The following FLT1 variants were observed in gnomAD, a reference collection of about 807,000 sequenced individuals.
FLT1 encodes vascular endothelial growth factor receptor 1.
Under a neutral mutation model 156.3 loss-of-function variants are expected in FLT1, and 49 were observed. The observed-to-expected ratio is 0.31, with a 90% CI of 0.25 to 0.40. The LOEUF (loss-of-function observed/expected upper bound fraction) is 0.40. Among genes scored for constraint, FLT1 ranks in the 10% least tolerant of loss-of-function variants. The pLI is 1.00. For synonymous variants in FLT1, 594 were observed against 583.8 expected (o/e 1.02, Z -0.25); for missense variants, 1,322 against 1,637.2 (o/e 0.81, Z 3.32).
At chr13:28,378,075 A>T (rs1245186363) in intron 14 of FLT1, among the ~76,000 whole-genome samples, 5 of 130,578 alleles carry the variant, frequency 3.8e-5, no homozygotes, top group African/African-American at 8.9e-5. Context: ...TTTGAGTTGG[A>T]GTCTTGCTCT....
rs376938745 is a variant in FLT1, at chr13:28,321,433, A to G, written c.3174+30T>C. ...GTGGTTTAAAAGTGATAGGACACAC[A>G]TGAGTCAAATAAACATCAAACTGAC... On this transcript the variant is annotated intron_variant, in intron 23 of 29. Coordinates refer to ENST00000282397, the MANE Select transcript of FLT1 (RefSeq NM_002019.4). The G allele has an allele frequency of 3.0e-5, 48 of 1,611,736 alleles. 1 individual carries two copies. Among genetic ancestry groups the G allele is most frequent in the East Asian group, 2.2e-4 (10 of 44,878 alleles).
intron 14 of FLT1, among the ~76,000 whole-genome samples, chr13:28,374,996 CT>C (rs1328812395): frequency 1.3e-5 from 2 of 152,120 alleles, no homozygotes; most frequent in Admixed American, 1.3e-4. Flanking sequence ...TCAGTTGGAC[CT>C]TACTGTGGCC....
intron 3 of FLT1, among the ~76,000 whole-genome samples, chr13:28,453,468 C>T (rs925710176): frequency 6.6e-6 from 1 of 152,156 alleles, no homozygotes; most frequent in African/African-American, 2.4e-5. Context: ...GATACATTCT[C>T]TTGGTAAATA....
chr13:28,444,604 T>C (rs977925639), intron 3 of FLT1, among the ~76,000 whole-genome samples: 2 of 152,178 alleles, frequency 1.3e-5, no homozygotes, highest in African/African-American at 4.8e-5. Flanking sequence ...TTCTCCAAGA[T>C]AGACCATATG....
intron 14 of FLT1, among the ~76,000 whole-genome samples, chr13:28,364,782 A>G (rs758674961): frequency 1.3e-5 from 2 of 152,152 alleles, no homozygotes; most frequent in Non-Finnish European, 2.9e-5. Context: ...TTCTGTTTCT[A>G]GGCTCTTTAT....
rs192715633 is a variant in FLT1, at chr13:28,351,321, T to G, written c.2249-5770A>C. The stretch of plus-strand genomic sequence containing the variant: ...CCTCAAGAGAAGGACATGTTTCTTG[T>G]TCGCTTTGAGTCTCCAGCATTGACT... On this transcript the variant is annotated intron_variant, in intron 15 of 29. Transcript: ENST00000282397. Among the ~76,000 whole-genome samples, 7 of 152,290 alleles carry G rather than the reference T, an allele frequency of 4.6e-5. No individual in the cohort carries two copies. The East Asian group carries it at 1.4e-3, about 29-fold the overall frequency.
intron 1 of FLT1, among the ~76,000 whole-genome samples, chr13:28,476,705 A>G (rs1296081615): frequency 2.0e-5 from 3 of 152,204 alleles, no homozygotes; most frequent in African/African-American, 7.2e-5. Context: ...CAAAATAGTC[A>G]CGTATATAGC....
chr13:28,333,529 A>G (rs1210256615), intron 18 of FLT1, among the ~76,000 whole-genome samples: 2 of 152,226 alleles, frequency 1.3e-5, no homozygotes, highest in Non-Finnish European at 2.9e-5. Flanking sequence ...TTAAACTGCT[A>G]AAGAGGAAAT....
At chr13:28,440,822 T>C (rs1878295306) in intron 3 of FLT1, among the ~76,000 whole-genome samples, 1 of 152,110 alleles carries the variant, frequency 6.6e-6, no homozygotes, top group Non-Finnish European at 1.5e-5. Context: ...GCCTGGCAAA[T>C]AGTTAGCTGT....
intron 15 of FLT1, among the ~76,000 whole-genome samples, chr13:28,352,832 G>A (rs1361099018): frequency 6.6e-6 from 1 of 152,166 alleles, no homozygotes; most frequent in South Asian, 2.1e-4. Flanking sequence ...AGTGAATTTG[G>A]GGGCAGGATT....
In FLT1 at chr13:28,322,712, T is replaced by C; in HGVS notation, c.2953+78A>G. 7.2e-7 allele frequency: 1 copy of C among 1,386,468 alleles called. No homozygotes were observed. Among genetic ancestry groups the C allele is most frequent in the Non-Finnish European group, 1.0e-6 (1 of 977,280 alleles). 85.9% of individuals were successfully genotyped at this position (1,386,468 alleles called of 1,614,324 possible). A position where few individuals can be genotyped will look rare whatever the true frequency, so the allele number is the denominator to read the frequency against. On this transcript the variant is annotated intron_variant, in intron 21 of 29. Transcript: ENST00000282397. This position sits in a 1 kb window ranked among gnomAD's most constrained non-coding sequence, Gnocchi z 4.3. ...CACGGATGTTTATTAGAGTGATAAA[T>C]AAGAAAAAAATTTCAGAGATGCATA...
intron 25 of FLT1, among the ~76,000 whole-genome samples, chr13:28,315,092 C>A (rs930155915): frequency 4.6e-5 from 7 of 152,130 alleles, no homozygotes; most frequent in African/African-American, 1.7e-4. Flanking sequence ...CAGGCTTGAG[C>A]AAATCACTTA....
chr13:28,434,033 T>A, intron 5 of FLT1, 25 bp downstream of exon 5: 1 of 1,614,130 alleles, frequency 6.2e-7, no homozygotes, highest in South Asian at 1.1e-5. Context: ...TCGGCTTATG[T>A]TCATGCCTTT....
chr13:28,486,329 C>G (rs572916047), intron 1 of FLT1, among the ~76,000 whole-genome samples: 73 of 152,308 alleles, frequency 4.8e-4, no homozygotes, highest in African/African-American at 1.7e-3. Flanking sequence ...GGGACAGAAC[C>G]CTGGCACATC....
chr13:28,358,592 G>A (rs1872992424), intron 14 of FLT1, among the ~76,000 whole-genome samples: 1 of 152,180 alleles, frequency 6.6e-6, no homozygotes, highest in African/African-American at 2.4e-5. Flanking sequence ...CCAAGGGTCT[G>A]TTGAGTATTT....
chr13:28,327,748 T>G (rs1871744107), intron 19 of FLT1, among the ~76,000 whole-genome samples, 198 bp from the exon 20 acceptor site: 1 of 64,534 alleles, frequency 1.5e-5, no homozygotes. Context: ...AAGAATACAA[T>G]TGAAATACAA....
rs1212003478 is a variant in FLT1 at position 28,389,727 on chromosome 13, T to G, written c.1969+69A>C. ...TAATGTTTTACATTACTTTGTGTGGTACAATCATTCCTTGTGCTTTTAAAT... is the reference window on the plus strand; with the variant it reads ...TAATGTTTTACATTACTTTGTGTGGGACAATCATTCCTTGTGCTTTTAAAT... On this transcript the variant is annotated intron_variant, in intron 13 of 29. Coordinates refer to ENST00000282397, the MANE Select transcript of FLT1 (RefSeq NM_002019.4). The G allele has an allele frequency of 1.9e-6, 3 of 1,612,928 alleles. No individual in the cohort carries two copies. The Admixed American group carries it at 5.0e-5, about 27-fold the overall frequency.
At chr13:28,332,093 T>C (rs1376414131) in intron 18 of FLT1, among the ~76,000 whole-genome samples, 2 of 152,172 alleles carry the variant, frequency 1.3e-5, no homozygotes, top group South Asian at 2.1e-4. Flanking sequence ...CTAGGTGTGA[T>C]GGTGTGAGCC....
At chr13:28,316,118 G>A (rs150826831) in intron 25 of FLT1, among the ~76,000 whole-genome samples, 7 of 152,190 alleles carry the variant, frequency 4.6e-5, no homozygotes, top group African/African-American at 1.2e-4. Flanking sequence ...AGGACACCAC[G>A]CACCAGTGAC....
Sources: allele counts gnomAD v4.1 joint callset (sites outside exome capture counted in the v4.1 genomes callset), GRCh38; gene constraint gnomAD v4.1.1; non-coding constraint Gnocchi (gnomAD v3.1); transcripts MANE v1.5; gene names NCBI Gene and HGNC (gene_info 2026-07-23, HGNC 2026-07-21).